The following PAPOLA variants were observed in gnomAD, a reference collection of about 807,000 sequenced individuals.
PAPOLA encodes the protein poly(A) polymerase alpha, also known as polynucleotide adenylyltransferase alpha.
A neutral mutation model predicts 100.6 loss-of-function variants in PAPOLA; 15 were observed. The ratio of observed to expected loss-of-function variants is 0.15; its 90% CI spans 0.10 to 0.23. PAPOLA has a LOEUF of 0.23. Ranked by LOEUF, PAPOLA falls within the 10% of genes least tolerant of loss-of-function variation. The pLI, the probability that PAPOLA is intolerant of heterozygous loss-of-function variation, is 1.00. For missense variants in PAPOLA, 533 were observed against 884.2 expected, an observed-to-expected ratio of 0.60 and a Z score of 5.04; for synonymous variants, 293 against 300.0, an observed-to-expected ratio of 0.98 and a Z score of 0.24.
chr14:96,541,280 T>A (rs1162387320), intron 12 of PAPOLA, among the ~76,000 whole-genome samples: 1 of 152,208 alleles, frequency 6.6e-6, no homozygotes, highest in Non-Finnish European at 1.5e-5. Context: ...GAAACTATAC[T>A]TATAAAATGT....
At position 96,532,711 on chromosome 14, in the gene PAPOLA, C is replaced by T. The variant is rs557274626; in HGVS notation, c.836+62C>T. ...TAGACACTGAAGTTTAGTCTTATTT[C>T]TATGACATTTCTCAGCTTGGTTTCA... On this transcript the variant is annotated intron_variant, in intron 9 of 21. Transcript: ENST00000216277. 4.3e-4 allele frequency: 634 copies of T among 1,480,576 alleles called. 4 individuals are homozygous for T. The Middle Eastern group carries it at 5.7e-3, about 13-fold the overall frequency. The allele number at this position is 1,480,576 out of a possible 1,614,324, so 91.7% of individuals were successfully genotyped here.
chr14:96,552,676 A>C (rs1900943624), intron 17 of PAPOLA, 54 bp downstream of exon 17: 1 of 1,477,036 alleles, frequency 6.8e-7, no homozygotes, highest in East Asian at 2.3e-5. Flanking sequence ...AATCAATCAG[A>C]TACATTCTCT....
At chr14:96,547,452 A>G (rs1458023002) in intron 15 of PAPOLA, among the ~76,000 whole-genome samples, 2 of 152,182 alleles carry the variant, frequency 1.3e-5, no homozygotes, top group Non-Finnish European at 2.9e-5. Flanking sequence ...GTTTTAAAGA[A>G]TAGTACTGGT....
intron 19 of PAPOLA, among the ~76,000 whole-genome samples, chr14:96,559,581 C>CTCTCTCTCTCTT (rs370979875): frequency 8.3e-6 from 1 of 120,182 alleles, no homozygotes. Context: ...CTCTCTCTCT[C>CTCTCTCTCTCTT]TATATATATA....
At chr14:96,523,965 A>G (rs954483800) in intron 3 of PAPOLA, among the ~76,000 whole-genome samples, 2 of 151,724 alleles carry the variant, frequency 1.3e-5, no homozygotes, top group Non-Finnish European at 2.9e-5. Flanking sequence ...AAAAAAAATT[A>G]CACACATAAC....
chr14:96,526,863 C>T (rs1246166353), intron 4 of PAPOLA: 1 of 152,490 alleles, frequency 6.6e-6, no homozygotes, highest in Non-Finnish European at 1.5e-5. Flanking sequence ...CCACATTAAT[C>T]TCTCCCTTTT....
intron 10 of PAPOLA, 93 bp downstream of exon 10, chr14:96,534,656 A>G: frequency 1.9e-6 from 3 of 1,598,450 alleles, no homozygotes; most frequent in African/African-American, 1.3e-5. Flanking sequence ...CCAGCCTTTT[A>G]CTTATGAATG....
intron 16 of PAPOLA, among the ~76,000 whole-genome samples, chr14:96,550,553 A>G (rs554528730): frequency 4.6e-5 from 7 of 152,214 alleles, no homozygotes; most frequent in Admixed American, 1.3e-4. Context: ...TTAACATTTT[A>G]TTTATACACA....
chr14:96,543,697 C>T (rs756111176), intron 14 of PAPOLA, among the ~76,000 whole-genome samples: 52 of 151,998 alleles, frequency 3.4e-4, no homozygotes, highest in African/African-American at 1.2e-3. Flanking sequence ...TCACTAATTA[C>T]TCCTGTTATG....
chr14:96,562,277 C>CTTTA (rs1486165147), intron 20 of PAPOLA, among the ~76,000 whole-genome samples: 2 of 152,080 alleles, frequency 1.3e-5, no homozygotes, highest in Non-Finnish European at 2.9e-5. Context: ...GCATGACATA[C>CTTTA]TTTACCCTGT....
At chr14:96,526,171 T>C (rs1898460929) in intron 4 of PAPOLA, 1 of 152,250 alleles carries the variant, frequency 6.6e-6, no homozygotes, top group South Asian at 2.1e-4. Flanking sequence ...AGAACATTTA[T>C]TGAGCTTCTT....
intron 16 of PAPOLA, 137 bp from the exon 17 acceptor site, chr14:96,552,343 C>G: frequency 1.3e-6 from 1 of 750,344 alleles, no homozygotes; most frequent in Non-Finnish European, 2.1e-6. Flanking sequence ...TTAGAGTCAG[C>G]ATGGCACATC....
In PAPOLA at chr14:96,508,604, G is replaced by A. The variant is rs112874598; in HGVS notation, c.8+6004G>A. 1.2e-4 allele frequency among the ~76,000 whole-genome samples: 18 copies of A among 152,170 alleles called. 1 individual carries two copies. Among genetic ancestry groups the A allele is most frequent in the African/African-American group, 4.3e-4 (18 of 41,500 alleles). ...GGCTCATCAGAACATTCTATTCTTGGGTAACTAAGTCAACTTTAGGTTAAC... is the reference window on the plus strand; with the variant it reads ...GGCTCATCAGAACATTCTATTCTTGAGTAACTAAGTCAACTTTAGGTTAAC... On this transcript the variant is annotated intron_variant, in intron 1 of 21. Coordinates refer to ENST00000216277, the MANE Select transcript of PAPOLA (RefSeq NM_032632.5).
chr14:96,528,111 T>G (rs1898653384), intron 6 of PAPOLA, 105 bp downstream of exon 6: 5 of 736,220 alleles, frequency 6.8e-6, no homozygotes, highest in Non-Finnish European at 1.2e-5. Flanking sequence ...GAGTTGGTTG[T>G]GATATTAATA....
chr14:96,563,909 T>C (rs1902075628), intron 21 of PAPOLA, among the ~76,000 whole-genome samples: 2 of 152,224 alleles, frequency 1.3e-5, no homozygotes, highest in Middle Eastern at 6.8e-3. Context: ...TCGGGACTTA[T>C]TTTCATAGTT....
rs1368451554 is a variant in PAPOLA at position 96,564,981 on chromosome 14, T to G, written c.2169T>G (p.Asp723Glu). 1 of 1,593,862 alleles carries G rather than the reference T, an allele frequency of 6.3e-7. No individual in the cohort carries two copies. Among genetic ancestry groups the G allele is most frequent in the East Asian group, 2.2e-5 (1 of 44,746 alleles). The change falls in exon 22 of 22, where the codon GAT becomes GAG. Residue 723 changes from aspartate (D) to glutamate (E), a missense_variant. Coordinates refer to ENST00000216277, the MANE Select transcript of PAPOLA (RefSeq NM_032632.5). ...SQKTSSTDLS[D>E]IPALPANPIP... ...AAACATCCAGTACAGACCTTTCTGATATCCCTGCTCTCCCTGCAAATCCTA... is the reference window on the plus strand; with the variant it reads ...AAACATCCAGTACAGACCTTTCTGAGATCCCTGCTCTCCCTGCAAATCCTA...
intron 17 of PAPOLA, among the ~76,000 whole-genome samples, chr14:96,554,386 C>A (rs963716257): frequency 2.6e-5 from 4 of 152,224 alleles, no homozygotes; most frequent in Admixed American, 1.3e-4. Flanking sequence ...TGTTTATCCC[C>A]TCTTGATATT....
In PAPOLA at chr14:96,528,429, A is replaced by G. The variant is rs1217859484; in HGVS notation, c.495+423A>G. On this transcript the variant is annotated intron_variant, in intron 6 of 21. Transcript: ENST00000216277. ...CGATAGGGGAGGATTTATGGACTCA[A>G]ATTCTTGAGATGATGTTCATTTCTC... Among the ~76,000 whole-genome samples the G allele has an allele frequency of 3.3e-5, 5 of 152,222 alleles. No individual in the cohort carries two copies. In the East Asian group the frequency reaches 7.7e-4, roughly 23 times the overall value.
At chr14:96,521,715 G>A (rs573341912) in intron 3 of PAPOLA, among the ~76,000 whole-genome samples, 27 of 152,312 alleles carry the variant, frequency 1.8e-4, no homozygotes, top group African/African-American at 6.0e-4. Context: ...CTAGCCTCAA[G>A]CAGTCCTCTC....
Sources: gnomAD v4.1 joint callset for allele counts (sites outside exome capture counted in the v4.1 genomes callset) on GRCh38, gnomAD v4.1.1 for gene constraint, MANE v1.5 for transcripts, NCBI Gene and HGNC (gene_info 2026-07-23, HGNC 2026-07-21) for gene names.